The following LGSN variants were observed in gnomAD, a reference collection of about 807,000 sequenced individuals.
LGSN encodes lengsin.
A neutral mutation model predicts 19.5 loss-of-function variants in LGSN; 21 were observed. That is an observed-to-expected ratio of 1.07 (90% CI 0.76 to 1.55). The LOEUF is 1.55. Ranked by LOEUF, LGSN falls within the 40% of genes most tolerant of loss-of-function variation. LGSN has a pLI of 0.00. For missense variants in LGSN, 673 were observed against 608.5 expected, an observed-to-expected ratio of 1.11 and a Z score of -1.12; for synonymous variants, 257 against 215.6, an observed-to-expected ratio of 1.19 and a Z score of -1.68.
At chr6:63,355,573 T>G in the LGSN span, among the ~76,000 whole-genome samples, 1 of 149,788 alleles carries the variant, frequency 6.7e-6, no homozygotes, top group Non-Finnish European at 1.5e-5. Flanking sequence ...CCATGCTGTC[T>G]CTGAAACCTG....
chr6:63,434,053 A>C, the LGSN span, among the ~76,000 whole-genome samples: 1 of 152,180 alleles, frequency 6.6e-6, no homozygotes, highest in Admixed American at 6.5e-5. Context: ...AACAACTAGG[A>C]ACCATTACCA....
chr6:63,383,943 T>G, the LGSN span, among the ~76,000 whole-genome samples: 1 of 152,198 alleles, frequency 6.6e-6, no homozygotes, highest in African/African-American at 2.4e-5. Flanking sequence ...TAATATTGTC[T>G]CCCACATACC....
the LGSN span, among the ~76,000 whole-genome samples, chr6:63,358,170 C>A: frequency 6.6e-6 from 1 of 152,160 alleles, no homozygotes; most frequent in Admixed American, 6.5e-5. Context: ...TCTGAGGGCT[C>A]TGTTCTGTTC....
At chr6:63,362,781 C>G in the LGSN span, among the ~76,000 whole-genome samples, 2 of 152,350 alleles carry the variant, frequency 1.3e-5, no homozygotes, top group South Asian at 2.1e-4. Context: ...CAGGGCATAG[C>G]TGAACAAAAG....
At chr6:63,539,009 C>CA in the LGSN span, among the ~76,000 whole-genome samples, 1 of 152,288 alleles carries the variant, frequency 6.6e-6, no homozygotes, top group Admixed American at 6.5e-5. Flanking sequence ...TCTCCTGCCT[C>CA]AGCTTCCCAC....
the LGSN span, among the ~76,000 whole-genome samples, chr6:63,444,263 C>A: frequency 6.6e-6 from 1 of 152,232 alleles, no homozygotes; most frequent in African/African-American, 2.4e-5. Context: ...GAGTTAAATT[C>A]TTTGCCCAAG....
At chr6:63,521,597 T>C in the LGSN span, among the ~76,000 whole-genome samples, 2 of 152,250 alleles carry the variant, frequency 1.3e-5, no homozygotes, top group Non-Finnish European at 2.9e-5. Flanking sequence ...TAAAGTAGCA[T>C]AGTTTGGAAA....
the LGSN span, among the ~76,000 whole-genome samples, chr6:63,446,242 T>TG: frequency 2.8e-5 from 1 of 35,944 alleles, no homozygotes; most frequent in Admixed American, 3.2e-4. Flanking sequence ...AGACTGTGTC[T>TG]CAAAAAAAAA....
chr6:63,511,792 T>C, the LGSN span, among the ~76,000 whole-genome samples: 3 of 152,154 alleles, frequency 2.0e-5, no homozygotes, highest in African/African-American at 7.2e-5. Context: ...ACTGAGAAAA[T>C]GACTCTCCAA....
the LGSN span, among the ~76,000 whole-genome samples, chr6:63,411,645 C>T: frequency 6.6e-6 from 1 of 152,062 alleles, no homozygotes; most frequent in Admixed American, 6.6e-5. Context: ...TTTGAGCTAA[C>T]CAAGACAACA....
chr6:63,432,588 A>T, the LGSN span, among the ~76,000 whole-genome samples: 1 of 151,896 alleles, frequency 6.6e-6, no homozygotes, highest in Non-Finnish European at 1.5e-5. Context: ...GCTACTCGGG[A>T]GGCTGAGGCA....
the LGSN span, among the ~76,000 whole-genome samples, chr6:63,471,463 C>T: frequency 6.6e-6 from 1 of 151,688 alleles, no homozygotes; most frequent in Non-Finnish European, 1.5e-5. Flanking sequence ...GTCAGCAGTT[C>T]GAGAGCAGCC....
chr6:63,461,799 A>G, the LGSN span, among the ~76,000 whole-genome samples: 2 of 152,210 alleles, frequency 1.3e-5, no homozygotes, highest in African/African-American at 4.8e-5. Context: ...CCTAAACATC[A>G]TATTATACTG....
chr6:63,570,994 AT>A, the LGSN span: 1 of 152,150 alleles, frequency 6.6e-6, no homozygotes, highest in Non-Finnish European at 1.5e-5. Flanking sequence ...AGAATTTAAG[AT>A]TTTAAAGTCT....
chr6:63,525,354 A>T, the LGSN span, among the ~76,000 whole-genome samples: 1 of 152,270 alleles, frequency 6.6e-6, no homozygotes, highest in East Asian at 1.9e-4. Flanking sequence ...GATTCTGCCA[A>T]TGGGGGAGCT....
At chr6:63,548,637 GATTTAATTTTTCAAGGAA>G in the LGSN span, 1 of 405,014 alleles carries the variant, frequency 2.5e-6, no homozygotes, top group East Asian at 5.1e-5. Flanking sequence ...ACACAACCCT[GATTTAATTTTTCAAGGAA>G]AATTTGTTCT....
the LGSN span, among the ~76,000 whole-genome samples, chr6:63,361,278 C>T: frequency 6.6e-6 from 1 of 152,196 alleles, no homozygotes; most frequent in East Asian, 1.9e-4. Context: ...TGCAGGCAGT[C>T]CTCCTTGAGC....
chr6:63,507,836 C>T, the LGSN span, among the ~76,000 whole-genome samples: 2 of 152,098 alleles, frequency 1.3e-5, no homozygotes, highest in Admixed American at 6.6e-5. Context: ...GTCATTAATG[C>T]AAACTGAATT....
the LGSN span, among the ~76,000 whole-genome samples, chr6:63,447,301 C>T: frequency 6.6e-6 from 1 of 152,270 alleles, no homozygotes; most frequent in South Asian, 2.1e-4. Context: ...ATTGTGACCA[C>T]TCAGGGGCCT....
Sources: gnomAD v4.1 joint callset for allele counts (sites outside exome capture counted in the v4.1 genomes callset) on GRCh38, gnomAD v4.1.1 for gene constraint, MANE v1.5 for transcripts, NCBI Gene and HGNC (gene_info 2026-07-23, HGNC 2026-07-21) for gene names.